The following CTNND2 variants were observed in gnomAD, a reference collection of about 807,000 sequenced individuals.
CTNND2 encodes catenin delta 2.
CTNND2 carries 22 observed loss-of-function variants against 144.4 expected under a neutral mutation model. The observed-to-expected ratio is 0.15, with a 90% CI of 0.11 to 0.22. The LOEUF (loss-of-function observed/expected upper bound fraction) is 0.22. Among genes scored for constraint, CTNND2 ranks in the 10% least tolerant of loss-of-function variants. The pLI is 1.00. For synonymous variants in CTNND2, 751 were observed against 695.6 expected (o/e 1.08, Z -1.25); for missense variants, 1,353 against 1,618.8 (o/e 0.84, Z 2.82).
chr5:11,690,705 C>G (rs976906461), intron 2 of CTNND2, among the ~76,000 whole-genome samples: 2 of 133,732 alleles, frequency 1.5e-5, no homozygotes, highest in African/African-American at 2.8e-5. Flanking sequence ...CACTGCAGTC[C>G]GCAGTCTGGC....
At chr5:11,444,664 T>C (rs1303250322) in intron 3 of CTNND2, among the ~76,000 whole-genome samples, 1 of 152,170 alleles carries the variant, frequency 6.6e-6, no homozygotes, top group East Asian at 1.9e-4. Flanking sequence ...ATTGTGCCAC[T>C]GTACTCCAGC....
chr5:11,753,250 T>G (rs1264729846), intron 1 of CTNND2, among the ~76,000 whole-genome samples: 2 of 151,834 alleles, frequency 1.3e-5, no homozygotes, highest in Admixed American at 1.3e-4. Context: ...CTTGTCTTGT[T>G]CCAGTTCTCA....
At chr5:11,815,202 G>C (rs1481438509) in intron 1 of CTNND2, among the ~76,000 whole-genome samples, 3 of 152,020 alleles carry the variant, frequency 2.0e-5, no homozygotes, top group African/African-American at 7.2e-5. Context: ...AATGGAAAAG[G>C]AGTTTAATTC....
intron 7 of CTNND2, among the ~76,000 whole-genome samples, chr5:11,383,403 C>T (rs1220023005): frequency 6.6e-6 from 1 of 152,194 alleles, no homozygotes. Context: ...CAGATCGCTA[C>T]TCCTGAGTCC....
At chr5:11,315,547 A>C (rs1751390921) in intron 9 of CTNND2, among the ~76,000 whole-genome samples, 1 of 152,188 alleles carries the variant, frequency 6.6e-6, no homozygotes, top group Non-Finnish European at 1.5e-5. Context: ...TTAACATATA[A>C]ATATATGTGG....
intron 1 of CTNND2, among the ~76,000 whole-genome samples, chr5:11,783,026 C>T (rs1790627037): frequency 6.6e-6 from 1 of 152,116 alleles, no homozygotes; most frequent in Admixed American, 6.5e-5. Context: ...TGCTGAAGCA[C>T]ATGCATGACT....
intron 2 of CTNND2, among the ~76,000 whole-genome samples, chr5:11,712,853 G>A (rs183613530): frequency 1.3e-4 from 20 of 152,208 alleles, no homozygotes; most frequent in East Asian, 5.8e-4. Flanking sequence ...AAGTTTTTAC[G>A]AGATTATTTT....
Position 11,565,286 on chromosome 5 carries a change from G to A in CTNND2, c.175-230C>T, listed in dbSNP as rs552454590. On this transcript the variant is annotated intron_variant, in intron 2 of 21. Coordinates refer to ENST00000304623, the MANE Select transcript of CTNND2 (RefSeq NM_001332.4). The stretch of plus-strand genomic sequence containing the variant: ...TATCAGTTTCATCATTTGTAAAACA[G>A]ACTTAAATACTTATTTAATAAGATG... Among the ~76,000 whole-genome samples the A allele has an allele frequency of 9.2e-5, 14 of 152,344 alleles. No homozygotes were observed. In the East Asian group the frequency reaches 2.5e-3, roughly 27 times the overall value.
At chr5:11,415,198 C>T (rs1445307938) in intron 3 of CTNND2, among the ~76,000 whole-genome samples, 1 of 152,128 alleles carries the variant, frequency 6.6e-6, no homozygotes, top group Admixed American at 6.6e-5. Context: ...ATTTATATTC[C>T]CACCAACAGT....
intron 9 of CTNND2, among the ~76,000 whole-genome samples, chr5:11,287,735 C>T (rs896785672): frequency 6.6e-6 from 1 of 152,174 alleles, no homozygotes; most frequent in East Asian, 1.9e-4. Context: ...CTGAGAGCTG[C>T]ATTTAGAGTA....
At chr5:11,703,329 T>G (rs1201238730) in intron 2 of CTNND2, among the ~76,000 whole-genome samples, 1 of 152,244 alleles carries the variant, frequency 6.6e-6, no homozygotes, top group Non-Finnish European at 1.5e-5. Flanking sequence ...CCATAGAGGT[T>G]TGATCTATTT....
intron 1 of CTNND2, among the ~76,000 whole-genome samples, chr5:11,820,402 A>C (rs897873599): frequency 3.9e-5 from 6 of 152,194 alleles, no homozygotes; most frequent in Admixed American, 1.3e-4. Flanking sequence ...CTGGAGGTAA[A>C]AATTAAAATG....
intron 10 of CTNND2, among the ~76,000 whole-genome samples, chr5:11,225,352 G>T (rs1320957932): frequency 1.3e-5 from 2 of 152,104 alleles, no homozygotes; most frequent in South Asian, 4.1e-4. Flanking sequence ...AAGCCAAATT[G>T]TTTCCTGAAT....
intron 1 of CTNND2, among the ~76,000 whole-genome samples, chr5:11,847,125 ATTT>A: frequency 9.6e-6 from 1 of 103,644 alleles, no homozygotes; most frequent in South Asian, 3.3e-4. Flanking sequence ...TATGTCAAAG[ATTT>A]TATATATATA....
In CTNND2 at chr5:11,302,222, G is replaced by A. The variant is rs372931445; in HGVS notation, c.1628+44150C>T. On this transcript the variant is annotated intron_variant, in intron 9 of 21. Transcript: ENST00000304623. ...CTGAGAGGAAGGAAAGAAGGGAAGCGGGCTTGTGTTTTTCAGAGTAAGTGG... is the reference window on the plus strand; with the variant it reads ...CTGAGAGGAAGGAAAGAAGGGAAGCAGGCTTGTGTTTTTCAGAGTAAGTGG... Among the ~76,000 whole-genome samples the A allele has an allele frequency of 8.1e-4, 124 of 152,260 alleles. 1 individual carries two copies. In the South Asian group the frequency reaches 0.016, roughly 20 times the overall value.
Position 11,204,042 on chromosome 5 carries a change from C to G in CTNND2, c.1762-4381G>C, listed in dbSNP as rs972152612. Reference sequence around the variant, plus strand: ...AATGATTGACCTTAGTCAGTTGTTCCTGTGTCAATGGCTCACATTTATTTT... The same window carrying G: ...AATGATTGACCTTAGTCAGTTGTTCGTGTGTCAATGGCTCACATTTATTTT... On this transcript the variant is annotated intron_variant, in intron 10 of 21. Coordinates refer to ENST00000304623, the MANE Select transcript of CTNND2 (RefSeq NM_001332.4). 5.3e-5 allele frequency among the ~76,000 whole-genome samples: 8 copies of G among 152,264 alleles called. No homozygotes were observed. The South Asian group carries it at 8.3e-4, about 16-fold the overall frequency.
intron 1 of CTNND2, among the ~76,000 whole-genome samples, chr5:11,757,098 AG>A (rs1788985834): frequency 6.6e-6 from 1 of 151,716 alleles, no homozygotes; most frequent in Non-Finnish European, 1.5e-5. Context: ...GTATTCTGCT[AG>A]TTTTCCCCTA....
chr5:11,870,493 A>G (rs915993327), intron 1 of CTNND2, among the ~76,000 whole-genome samples: 8 of 152,246 alleles, frequency 5.3e-5, no homozygotes, highest in African/African-American at 1.9e-4. Context: ...GAATTTGCTT[A>G]CAAAGAATAT....
intron 15 of CTNND2, among the ~76,000 whole-genome samples, chr5:11,084,799 G>A (rs1749959975): frequency 6.6e-6 from 1 of 152,172 alleles, no homozygotes; most frequent in African/African-American, 2.4e-5. Flanking sequence ...TTATACAGGG[G>A]GAAATTTAGG....
Sources: allele counts gnomAD v4.1 joint callset (sites outside exome capture counted in the v4.1 genomes callset), GRCh38; gene constraint gnomAD v4.1.1; transcripts MANE v1.5; gene names NCBI Gene and HGNC (gene_info 2026-07-23, HGNC 2026-07-21).